Variants in QTMAN observed in about 807,000 individuals in gnomAD.
QTMAN encodes tRNA-queuosine alpha-mannosyltransferase.
the QTMAN span, among the ~76,000 whole-genome samples, chr2:144,051,372 AT>A: frequency 0.014 from 2,122 of 147,674 alleles, 30 homozygotes; most frequent in Non-Finnish European, 0.024. Context: ...CTCTACAAAC[AT>A]TTTTTTTTTT....
At chr2:144,096,154 G>A in the QTMAN span, among the ~76,000 whole-genome samples, 2 of 152,114 alleles carry the variant, frequency 1.3e-5, no homozygotes, top group South Asian at 2.1e-4. Context: ...CAGATCTTTT[G>A]AACAGAGGAG....
At chr2:144,139,845 A>G in the QTMAN span, among the ~76,000 whole-genome samples, 2 of 152,086 alleles carry the variant, frequency 1.3e-5, no homozygotes, top group Non-Finnish European at 2.9e-5. Flanking sequence ...CCATTATATT[A>G]TATAGCGCAA....
the QTMAN span, chr2:143,939,934 CT>C: frequency 6.6e-6 from 1 of 152,166 alleles, no homozygotes; most frequent in African/African-American, 2.4e-5. Context: ...ATGTTTGTCT[CT>C]TTCTCTTTCT....
At chr2:144,048,016 G>C in the QTMAN span, among the ~76,000 whole-genome samples, 2 of 152,194 alleles carry the variant, frequency 1.3e-5, no homozygotes, top group Admixed American at 6.5e-5. Flanking sequence ...TTCCAAACCA[G>C]ATGATAGAAT....
the QTMAN span, among the ~76,000 whole-genome samples, chr2:144,063,751 C>T: frequency 6.6e-6 from 1 of 152,190 alleles, no homozygotes; most frequent in Non-Finnish European, 1.5e-5. Flanking sequence ...GAACTCACCA[C>T]TCCCTAACAA....
the QTMAN span, among the ~76,000 whole-genome samples, chr2:144,111,674 G>A: frequency 6.6e-6 from 1 of 152,236 alleles, no homozygotes; most frequent in East Asian, 1.9e-4. Flanking sequence ...CTCTGGGCAG[G>A]CCAGCATTTG....
At chr2:144,235,933 C>G in the QTMAN span, among the ~76,000 whole-genome samples, 1 of 151,582 alleles carries the variant, frequency 6.6e-6, no homozygotes, top group African/African-American at 2.4e-5. Context: ...GATTTTCAGT[C>G]TCTCCAGAGA....
At chr2:144,098,878 T>G in the QTMAN span, among the ~76,000 whole-genome samples, 1 of 149,818 alleles carries the variant, frequency 6.7e-6, no homozygotes, top group Non-Finnish European at 1.5e-5. Flanking sequence ...TTAAGCTGAG[T>G]GCTAAGCCAA....
the QTMAN span, among the ~76,000 whole-genome samples, chr2:143,960,557 A>G: frequency 6.6e-6 from 1 of 152,274 alleles, no homozygotes; most frequent in South Asian, 2.1e-4. Flanking sequence ...GCTCATCTTT[A>G]GGAGTGTTTT....
At chr2:144,258,303 T>C in the QTMAN span, among the ~76,000 whole-genome samples, 1 of 150,684 alleles carries the variant, frequency 6.6e-6, no homozygotes, top group Non-Finnish European at 1.5e-5. Context: ...AAACTTTTAC[T>C]TAGGGAGAAG....
At chr2:144,008,098 G>A in the QTMAN span, among the ~76,000 whole-genome samples, 4 of 152,020 alleles carry the variant, frequency 2.6e-5, no homozygotes, top group African/African-American at 7.2e-5. Flanking sequence ...ATCACAAAGA[G>A]TTCAATGTCT....
At chr2:144,013,340 G>A in the QTMAN span, among the ~76,000 whole-genome samples, 1 of 152,046 alleles carries the variant, frequency 6.6e-6, no homozygotes. Context: ...AGAATTAATG[G>A]TCAACAAAGG....
chr2:144,234,204 C>T, the QTMAN span, among the ~76,000 whole-genome samples: 2 of 152,056 alleles, frequency 1.3e-5, no homozygotes, highest in African/African-American at 2.4e-5. Flanking sequence ...CACAAATCAT[C>T]GAAAAAGTTG....
chr2:144,267,068 A>G, the QTMAN span, among the ~76,000 whole-genome samples: 1 of 151,454 alleles, frequency 6.6e-6, no homozygotes. Context: ...TATTTAGAGG[A>G]AAAAAAAATA....
chr2:144,168,550 G>T, the QTMAN span, among the ~76,000 whole-genome samples: 3 of 152,096 alleles, frequency 2.0e-5, no homozygotes, highest in East Asian at 5.8e-4. Flanking sequence ...TTGGTCATAG[G>T]TTGATAATTA....
the QTMAN span, among the ~76,000 whole-genome samples, chr2:144,010,048 C>T: frequency 8.0e-6 from 1 of 125,036 alleles, no homozygotes; most frequent in East Asian, 2.3e-4. Flanking sequence ...AAACTTAGCT[C>T]ATGAAGGATT....
At chr2:144,088,821 C>T in the QTMAN span, among the ~76,000 whole-genome samples, 1 of 151,884 alleles carries the variant, frequency 6.6e-6, no homozygotes, top group East Asian at 1.9e-4. Context: ...AAAATCAAGA[C>T]AAAATGGATT....
At chr2:144,085,020 T>C in the QTMAN span, among the ~76,000 whole-genome samples, 2 of 152,222 alleles carry the variant, frequency 1.3e-5, no homozygotes, top group Non-Finnish European at 2.9e-5. Flanking sequence ...AATTTTGACC[T>C]GTATGAACAT....
chr2:144,191,864 T>A, the QTMAN span, among the ~76,000 whole-genome samples: 2 of 152,216 alleles, frequency 1.3e-5, no homozygotes, highest in African/African-American at 4.8e-5. Context: ...TAATACTTTA[T>A]AACTTTCTCT....
Sources: allele counts gnomAD v4.1 joint callset (sites outside exome capture counted in the v4.1 genomes callset), GRCh38; gene constraint gnomAD v4.1.1; transcripts MANE v1.5; gene names NCBI Gene and HGNC (gene_info 2026-07-23, HGNC 2026-07-21).